Variants in TRPM6 observed in about 807,000 individuals in gnomAD.
TRPM6 encodes the protein channel kinase 2.
Under a neutral mutation model 247.6 loss-of-function variants are expected in TRPM6, and 111 were observed. That is an observed-to-expected ratio of 0.45 (90% CI 0.38 to 0.52). The LOEUF (loss-of-function observed/expected upper bound fraction) is 0.52, where lower values mean the gene tolerates loss of function less well. Ranked by LOEUF, TRPM6 falls within the 20% of genes least tolerant of loss-of-function variation. The pLI, the probability that TRPM6 is intolerant of heterozygous loss-of-function variation, is 0.00. For missense variants in TRPM6, 2,126 were observed against 2,421.5 expected (o/e 0.88, Z 2.56); for synonymous variants, 892 against 853.8 (o/e 1.04, Z -0.78).
intron 2 of TRPM6, among the ~76,000 whole-genome samples, chr9:74,856,850 A>C (rs1830542914): frequency 6.6e-6 from 1 of 152,220 alleles, no homozygotes; most frequent in South Asian, 2.1e-4. Flanking sequence ...TCTAAAAAAA[A>C]GGCTGGCTAG....
chr9:74,875,356 A>G, intron 1 of TRPM6: 1 of 424,064 alleles, frequency 2.4e-6, no homozygotes. Context: ...CAGCCTGGCC[A>G]ACAAGGTAAA....
At chr9:74,877,817 C>T (rs1047304484) in intron 1 of TRPM6, among the ~76,000 whole-genome samples, 13 of 152,290 alleles carry the variant, frequency 8.5e-5, no homozygotes, top group African/African-American at 3.1e-4. Context: ...CCCTCCCCAG[C>T]AGCAGGGCCA....
At chr9:74,832,448 A>G (rs1799964692) in intron 6 of TRPM6, among the ~76,000 whole-genome samples, 1 of 152,232 alleles carries the variant, frequency 6.6e-6, no homozygotes, top group African/African-American at 2.4e-5. Context: ...GAAAAACTTG[A>G]CTAGACTGGA....
At chr9:74,728,376 C>A in intron 37 of TRPM6, 31 bp from the exon 38 acceptor site, 1 of 1,481,504 alleles carries the variant, frequency 6.7e-7, no homozygotes, top group Non-Finnish European at 9.4e-7. Flanking sequence ...TCAATTAGAT[C>A]ACAGCTAAGA....
intron 1 of TRPM6, among the ~76,000 whole-genome samples, chr9:74,885,938 G>T (rs1831516169): frequency 6.6e-6 from 1 of 151,986 alleles, no homozygotes; most frequent in Non-Finnish European, 1.5e-5. Flanking sequence ...TGAGAAATTT[G>T]AAAAAGAAGG....
At chr9:74,872,677 C>T (rs772912723) in intron 1 of TRPM6, among the ~76,000 whole-genome samples, 1 of 151,770 alleles carries the variant, frequency 6.6e-6, no homozygotes, top group Non-Finnish European at 1.5e-5. Context: ...CCTGTCTTGG[C>T]CAGGCTGATT....
At chr9:74,744,329 C>T (rs1825963768) in intron 31 of TRPM6, 184 bp from the exon 32 acceptor site, 1 of 666,710 alleles carries the variant, frequency 1.5e-6, no homozygotes, top group East Asian at 2.7e-5. Flanking sequence ...AGCTTCCAAT[C>T]ATCAATGTAA....
chr9:74,803,865 T>G lies in TRPM6; in HGVS notation c.1660A>C (p.Asn554His), dbSNP rs1197322287. 2 of 1,613,252 alleles carry G rather than the reference T, an allele frequency of 1.2e-6. No homozygotes were observed. The highest frequency in any genetic ancestry group is 4.5e-5 in the East Asian group (2 of 44,880). The stretch of plus-strand genomic sequence containing the variant: ...GTACTTTCTGCAGACTCATTTCTAT[T>G]TCCTGAGGAGTGTCTCTGGTGCTGG... ...KYKHQRHSSG[N>H]RNESAESTLH... Residue 554 changes from asparagine (N) to histidine (H), a missense_variant, in exon 15 of 39, where the codon AAT becomes CAT. This residue lies in a region of TRPM6 where 1,082 missense variants were observed against 1,307.9 expected (regional missense o/e 0.83). Transcript: ENST00000360774.
At chr9:74,797,081 T>C (rs182205839) in intron 17 of TRPM6, among the ~76,000 whole-genome samples, 188 bp from the exon 18 acceptor site, 153 of 152,306 alleles carry the variant, frequency 1.0e-3, no homozygotes, top group Admixed American at 8.6e-3. Flanking sequence ...GAAATACTCA[T>C]GAGTACAAGC....
chr9:74,792,044 A>T (rs1827922903), intron 19 of TRPM6, among the ~76,000 whole-genome samples: 1 of 152,234 alleles, frequency 6.6e-6, no homozygotes, highest in African/African-American at 2.4e-5. Flanking sequence ...GGCGTGAGCC[A>T]CCACGCCTGG....
intron 27 of TRPM6, among the ~76,000 whole-genome samples, chr9:74,756,592 C>T (rs1826435295): frequency 6.8e-6 from 1 of 148,034 alleles, no homozygotes; most frequent in Non-Finnish European, 1.5e-5. Context: ...CTTGTAATTC[C>T]AGCACTTTTG....
intron 31 of TRPM6, 104 bp downstream of exon 31, chr9:74,747,785 C>G: frequency 9.7e-7 from 1 of 1,028,446 alleles, no homozygotes; most frequent in South Asian, 1.4e-5. Flanking sequence ...GGACAAAAAT[C>G]ATAAATACAA....
At chr9:74,844,803 A>G (rs1322533859) in intron 3 of TRPM6, among the ~76,000 whole-genome samples, 4 of 152,224 alleles carry the variant, frequency 2.6e-5, no homozygotes, top group South Asian at 2.1e-4. Context: ...CTTTCAACCT[A>G]TCTCAGCTTT....
chr9:74,782,220 T>C (rs1827488223), intron 23 of TRPM6, 142 bp downstream of exon 23: 1 of 634,526 alleles, frequency 1.6e-6, no homozygotes, highest in East Asian at 2.9e-5. Context: ...TCAGTAGTTT[T>C]ATGTGCATAT....
rs150836614 is a variant in TRPM6 at position 74,731,788 on chromosome 9, T to C, written c.5828+897A>G. Among the ~76,000 whole-genome samples the C allele has an allele frequency of 5.6e-4, 85 of 151,868 alleles. 1 individual carries two copies. Among genetic ancestry groups the C allele is most frequent in the Admixed American group, 4.7e-3 (72 of 15,244 alleles). On this transcript the variant is annotated intron_variant, in intron 37 of 38. Transcript: ENST00000360774. ...ATGACAATTAAGAAGTAAAAATGTATGCTGGCAGTTCTCAAGAGTGGTCTC... is the reference window on the plus strand; with the variant it reads ...ATGACAATTAAGAAGTAAAAATGTACGCTGGCAGTTCTCAAGAGTGGTCTC...
intron 1 of TRPM6, among the ~76,000 whole-genome samples, chr9:74,884,437 T>G (rs1831464193): frequency 6.6e-6 from 1 of 150,972 alleles, no homozygotes; most frequent in Non-Finnish European, 1.5e-5. Context: ...TGCACTGAGC[T>G]GAGATCGTGC....
intron 38 of TRPM6, among the ~76,000 whole-genome samples, chr9:74,726,322 C>T (rs1273629351): frequency 1.3e-5 from 2 of 152,054 alleles, no homozygotes; most frequent in East Asian, 1.9e-4. Context: ...CCAGGCTGGC[C>T]GATGTGGTGA....
chr9:74,785,026 G>C (rs1164493886), intron 21 of TRPM6, among the ~76,000 whole-genome samples: 1 of 152,120 alleles, frequency 6.6e-6, no homozygotes, highest in African/African-American at 2.4e-5. Flanking sequence ...AGGATTTCTT[G>C]AGCCTGGGAG....
intron 20 of TRPM6, among the ~76,000 whole-genome samples, chr9:74,786,942 T>C (rs1298791731): frequency 1.3e-5 from 2 of 152,164 alleles, no homozygotes; most frequent in Non-Finnish European, 2.9e-5. Context: ...CTCACGCCTG[T>C]AATCCCAACA....
Sources: gnomAD v4.1 joint callset for allele counts (sites outside exome capture counted in the v4.1 genomes callset) on GRCh38, gnomAD v4.1.1 for gene constraint, gnomAD v4.1.1 regional missense constraint, MANE v1.5 for transcripts, NCBI Gene and HGNC (gene_info 2026-07-23, HGNC 2026-07-21) for gene names.